ZBTB20: variants seen among roughly 807,000 people sequenced by gnomAD.
The protein encoded by ZBTB20 is zinc finger and BTB domain-containing protein 20.
Under a neutral mutation model 56.9 loss-of-function variants are expected in ZBTB20, and 9 were observed. The observed-to-expected ratio is 0.16, with a 90% confidence interval of 0.10 to 0.28. ZBTB20 has a LOEUF of 0.28. Ranked by LOEUF, ZBTB20 falls within the 10% of genes least tolerant of loss-of-function variation. ZBTB20 has a pLI of 1.00. For missense variants in ZBTB20, 655 were observed against 1,003.0 expected, an observed-to-expected ratio of 0.65 and a Z score of 4.69; for synonymous variants, 417 against 420.7, an observed-to-expected ratio of 0.99 and a Z score of 0.11.
intron 5 of ZBTB20, among the ~76,000 whole-genome samples, chr3:114,770,511 G>A (rs1343495875): frequency 1.4e-5 from 2 of 146,996 alleles, no homozygotes; most frequent in Non-Finnish European, 3.0e-5. Flanking sequence ...ATAACTTATG[G>A]AAAAAAAAAA....
chr3:114,683,638 C>G (rs539534182), intron 6 of ZBTB20, among the ~76,000 whole-genome samples: 2 of 152,222 alleles, frequency 1.3e-5, no homozygotes, highest in South Asian at 4.2e-4. Flanking sequence ...TAGAACATCT[C>G]TTTTTCCAGC....
intron 7 of ZBTB20, among the ~76,000 whole-genome samples, chr3:114,470,510 A>G (rs1456268039): frequency 6.6e-6 from 1 of 152,172 alleles, no homozygotes; most frequent in African/African-American, 2.4e-5. Flanking sequence ...CTCAATTTCC[A>G]GGAAATATAT....
intron 4 of ZBTB20, among the ~76,000 whole-genome samples, chr3:114,809,542 G>A (rs1434372490): frequency 6.6e-6 from 1 of 151,542 alleles, no homozygotes; most frequent in East Asian, 1.9e-4. Context: ...TGTTTATATT[G>A]ATACTCTCTA....
chr3:114,752,158 C>T (rs1427969071), intron 5 of ZBTB20, among the ~76,000 whole-genome samples: 1 of 152,050 alleles, frequency 6.6e-6, no homozygotes, highest in Non-Finnish European at 1.5e-5. Context: ...CAGAAAAGCA[C>T]ATTGAGATAT....
At chr3:115,002,791 A>G (rs1013027325) in intron 2 of ZBTB20, among the ~76,000 whole-genome samples, 6 of 151,626 alleles carry the variant, frequency 4.0e-5, no homozygotes, top group Non-Finnish European at 7.4e-5. Flanking sequence ...TACACTTACC[A>G]TATGATCTAG....
chr3:114,958,503 CT>C (rs2077326840), intron 3 of ZBTB20, among the ~76,000 whole-genome samples: 1 of 152,094 alleles, frequency 6.6e-6, no homozygotes, highest in South Asian at 2.1e-4. Context: ...AGAATACAGT[CT>C]TTTTCTTACG....
chr3:114,834,850 C>G (rs956811701), intron 4 of ZBTB20, among the ~76,000 whole-genome samples: 5 of 151,746 alleles, frequency 3.3e-5, no homozygotes, highest in African/African-American at 1.2e-4. Context: ...TTTTTTTTAT[C>G]TTTGGTATTA....
intron 2 of ZBTB20, among the ~76,000 whole-genome samples, chr3:114,997,801 C>T (rs1010879185): frequency 1.3e-5 from 2 of 151,822 alleles, no homozygotes; most frequent in African/African-American, 4.8e-5. Context: ...TCCCACCCAG[C>T]TGACCCAGGA....
intron 1 of ZBTB20, among the ~76,000 whole-genome samples, chr3:115,116,123 A>C (rs2084011495): frequency 6.6e-6 from 1 of 151,998 alleles, no homozygotes; most frequent in African/African-American, 2.4e-5. Flanking sequence ...TAGTTAAACT[A>C]ATCTGTCACT....
chr3:114,844,330 A>AATATATATATATATATATATATAT (rs71146341), intron 4 of ZBTB20, among the ~76,000 whole-genome samples: 2 of 99,266 alleles, frequency 2.0e-5, no homozygotes, highest in African/African-American at 6.0e-5. Flanking sequence ...TACTGGAGTA[A>AATATATATATATATATATATATAT]ATATATATAT....
chr3:114,963,334 T>A (rs1480935291), intron 3 of ZBTB20, among the ~76,000 whole-genome samples: 1 of 152,110 alleles, frequency 6.6e-6, no homozygotes, highest in South Asian at 2.1e-4. Context: ...GGATCCTAGA[T>A]GAATTTTCCC....
chr3:114,971,429 T>C (rs533766027), intron 3 of ZBTB20, among the ~76,000 whole-genome samples: 61 of 152,300 alleles, frequency 4.0e-4, no homozygotes, highest in South Asian at 1.7e-3. Flanking sequence ...CATTTTCTTA[T>C]AGTACTTACC....
intron 1 of ZBTB20, among the ~76,000 whole-genome samples, chr3:115,127,357 A>G (rs940375830): frequency 6.6e-6 from 1 of 152,216 alleles, no homozygotes; most frequent in Non-Finnish European, 1.5e-5. Context: ...TGGGAGGCTA[A>G]GGCAGGCAGA....
intron 2 of ZBTB20, among the ~76,000 whole-genome samples, chr3:115,009,437 C>G (rs1304249182): frequency 6.6e-6 from 1 of 151,934 alleles, no homozygotes; most frequent in Non-Finnish European, 1.5e-5. Context: ...TTCTCATCCC[C>G]TTTCAGGCAG....
At chr3:114,787,982 C>A (rs1455604577) in intron 5 of ZBTB20, among the ~76,000 whole-genome samples, 2 of 152,052 alleles carry the variant, frequency 1.3e-5, no homozygotes, top group Non-Finnish European at 2.9e-5. Context: ...GTCATTACTG[C>A]CTGTTAATCA....
intron 6 of ZBTB20, among the ~76,000 whole-genome samples, chr3:114,584,398 A>G (rs974028315): frequency 1.3e-5 from 2 of 152,210 alleles, no homozygotes; most frequent in African/African-American, 2.4e-5. Context: ...AACTTTAGAA[A>G]GAAAAAGCTG....
intron 6 of ZBTB20, among the ~76,000 whole-genome samples, chr3:114,614,801 G>C (rs146425021): frequency 6.6e-6 from 1 of 152,000 alleles, no homozygotes; most frequent in Admixed American, 6.6e-5. Flanking sequence ...GCCCAGGCTG[G>C]AGTGTGCAGT....
At chr3:114,536,556 A>T (rs2048482582) in intron 6 of ZBTB20, among the ~76,000 whole-genome samples, 1 of 152,208 alleles carries the variant, frequency 6.6e-6, no homozygotes, top group African/African-American at 2.4e-5. Flanking sequence ...GAAAATGGCC[A>T]TACTGCCCAA....
chr3:115,106,427 G>C (rs930803694), intron 1 of ZBTB20, among the ~76,000 whole-genome samples: 7 of 150,886 alleles, frequency 4.6e-5, no homozygotes, highest in African/African-American at 1.7e-4. Flanking sequence ...CAGAAACGGG[G>C]TTTCACCATG....
Sources: allele counts gnomAD v4.1 joint callset (sites outside exome capture counted in the v4.1 genomes callset), GRCh38; gene constraint gnomAD v4.1.1; transcripts MANE v1.5; gene names NCBI Gene and HGNC (gene_info 2026-07-23, HGNC 2026-07-21).